Variants in ABCA12 observed in about 807,000 individuals in gnomAD.
The protein encoded by ABCA12 is glucosylceramide transporter ABCA12.
ABCA12 carries 156 observed loss-of-function variants against 293.5 expected under a neutral mutation model. The observed-to-expected ratio is 0.53, with a 90% confidence interval of 0.47 to 0.61. The LOEUF (loss-of-function observed/expected upper bound fraction) is 0.61. Among genes scored for constraint, ABCA12 ranks in the 20% least tolerant of loss-of-function variants. The pLI, the probability that ABCA12 is intolerant of heterozygous loss-of-function variation, is 0.00. For synonymous variants in ABCA12, 1,063 were observed against 1,108.0 expected (o/e 0.96, Z 0.81); for missense variants, 2,797 against 3,090.2 (o/e 0.91, Z 2.25).
At position 215,004,803 on chromosome 2, in the gene ABCA12, G is replaced by A. The variant is rs570406772; in HGVS notation, c.2593-504C>T. ...TTCCAGTCTCAGGTAACCTTTTGGT[G>A]AAGTAGGTAAGAATGCCTCATCACA... is the stretch of plus-strand genomic sequence containing the variant. On this transcript the variant is annotated intron_variant, in intron 19 of 52. Coordinates refer to ENST00000272895, the MANE Select transcript of ABCA12 (RefSeq NM_173076.3). 270 of 160,980 alleles carry A rather than the reference G, an allele frequency of 1.7e-3. 1 individual carries two copies. The highest frequency in any genetic ancestry group is 6.0e-3 in the African/African-American group (249 of 41,642). The allele number at this position is 160,980 out of a possible 1,614,324, so 10.0% of individuals were successfully genotyped here. A position where few individuals can be genotyped will look rare whatever the true frequency, so the allele number is the denominator to read the frequency against.
chr2:215,042,340 G>A (rs148311348), intron 7 of ABCA12: 2,825 of 152,198 alleles, frequency 0.019, 51 homozygotes, highest in Non-Finnish European at 0.028. Flanking sequence ...AAGCTCAAGC[G>A]ATCCTCCCAC....
chr2:214,949,087 T>G lies in ABCA12; in HGVS notation c.6915A>C (p.Gly2305=). ...GKTTIFKMLT[G]DIIPSSGNIL... ...TGTTTCCACTTGAAGGAATGATGTCTCCTGTCAGCATCTTGAATATAGTGG... is the reference window on the plus strand; with the variant it reads ...TGTTTCCACTTGAAGGAATGATGTCGCCTGTCAGCATCTTGAATATAGTGG... The change falls in exon 46 of 53, where the codon GGA becomes GGC. Residue 2305 remains glycine (G), a synonymous_variant. Coordinates refer to ENST00000272895, the MANE Select transcript of ABCA12 (RefSeq NM_173076.3). The G allele has an allele frequency of 6.2e-7, 1 of 1,613,922 alleles. No homozygotes were observed. Among genetic ancestry groups the G allele is most frequent in the Non-Finnish European group, 8.5e-7 (1 of 1,179,912 alleles).
At chr2:215,046,519 GTA>G (rs59157531) in intron 6 of ABCA12, among the ~76,000 whole-genome samples, 5,376 of 146,742 alleles carry the variant, frequency 0.037, 309 homozygotes, top group African/African-American at 0.13. Flanking sequence ...GTGTGTGTGT[GTA>G]TATATATATA....
At chr2:214,938,042 G>C (rs992247622) in intron 50 of ABCA12, among the ~76,000 whole-genome samples, 5 of 152,056 alleles carry the variant, frequency 3.3e-5, no homozygotes, top group Non-Finnish European at 5.9e-5. Context: ...TGCCGTGGTG[G>C]TTTGCTGCAC....
At chr2:215,116,703 A>G (rs958456576) in intron 1 of ABCA12, among the ~76,000 whole-genome samples, 3 of 152,248 alleles carry the variant, frequency 2.0e-5, no homozygotes, top group Admixed American at 6.5e-5. Flanking sequence ...ATATTTCTCT[A>G]TAAAATGGGA....
rs139830416 is a variant in ABCA12, at chr2:215,106,301, AT to A, written c.163+5295del. ...CAACAATTTCAATCCTCCTTCTCAC[AT>A]TTTTTTTTTCCCAGAGCTACTAACA... is the stretch of plus-strand genomic sequence containing the variant. On this transcript the variant is annotated intron_variant, in intron 2 of 52. Coordinates refer to ENST00000272895, the MANE Select transcript of ABCA12 (RefSeq NM_173076.3). Among the ~76,000 whole-genome samples, 372 of 148,766 alleles carry A rather than the reference AT, an allele frequency of 2.5e-3. 1 individual carries two copies. The highest frequency in any genetic ancestry group is 4.1e-3 in the East Asian group (21 of 5,098).
intron 3 of ABCA12, among the ~76,000 whole-genome samples, chr2:215,062,259 CAT>C (rs1200193849): frequency 6.6e-6 from 1 of 152,022 alleles, no homozygotes; most frequent in East Asian, 1.9e-4. Flanking sequence ...TAGTGACAAA[CAT>C]AGAGACCATC....
intron 34 of ABCA12, 128 bp from the exon 35 acceptor site, chr2:214,974,992 T>A (rs1044460103): frequency 2.2e-5 from 18 of 816,426 alleles, no homozygotes; most frequent in Non-Finnish European, 2.8e-5. Context: ...AGACAGAGTC[T>A]TGCCGTGTTG....
At chr2:215,133,928 G>C (rs1342650878) in intron 1 of ABCA12, among the ~76,000 whole-genome samples, 1 of 152,096 alleles carries the variant, frequency 6.6e-6, no homozygotes, top group African/African-American at 2.4e-5. Flanking sequence ...CATGCTTGAA[G>C]AAATCTGACT....
intron 1 of ABCA12, among the ~76,000 whole-genome samples, chr2:215,130,236 AT>A (rs57228653): frequency 0.029 from 4,344 of 147,380 alleles, 165 homozygotes; most frequent in African/African-American, 0.093. Flanking sequence ...AAACTTTAGG[AT>A]TTTTTTTTTT....
rs184052074 is a variant in ABCA12, at chr2:215,010,650, T to C, written c.2333-180A>G. Among the ~76,000 whole-genome samples, 71 of 152,264 alleles carry C rather than the reference T, an allele frequency of 4.7e-4. 1 individual carries two copies. The highest frequency in any genetic ancestry group is 1.9e-4 in the East Asian group (1 of 5,176). On this transcript the variant is annotated intron_variant, in intron 17 of 52. Coordinates refer to ENST00000272895, the MANE Select transcript of ABCA12 (RefSeq NM_173076.3). ...TAAGAAAGCACAGTAACCAATCTTT[T>C]TTAGGTGAGAAAGTTTAACCCAATA... is the stretch of plus-strand genomic sequence containing the variant.
chr2:214,991,070 T>C (rs1407657102), intron 23 of ABCA12, 39 bp from the exon 24 acceptor site: 4 of 1,563,926 alleles, frequency 2.6e-6, no homozygotes, highest in African/African-American at 1.4e-5. Context: ...GTTATGCTGA[T>C]ATTCTTCCAA....
At chr2:214,934,296 C>T (rs1252610835) in intron 51 of ABCA12, 81 bp from the exon 52 acceptor site, 1 of 1,510,302 alleles carries the variant, frequency 6.6e-7, no homozygotes, top group Non-Finnish European at 9.2e-7. Context: ...ACCAAGAGTT[C>T]AGGAAAATAA....
chr2:215,085,294 CAAGATTTGGTGAAA>C (rs1356992416), intron 2 of ABCA12: 5 of 152,038 alleles, frequency 3.3e-5, no homozygotes, highest in Admixed American at 6.5e-5. Flanking sequence ...TGAACTGAAT[CAAGATTTGGTGAAA>C]AAGATTTGGT....
chr2:215,089,549 G>A (rs529394978), intron 2 of ABCA12, among the ~76,000 whole-genome samples: 1 of 152,176 alleles, frequency 6.6e-6, no homozygotes, highest in African/African-American at 2.4e-5. Context: ...TTCAAATGTT[G>A]GTTCTATGAA....
chr2:215,120,693 C>T (rs950309125), intron 1 of ABCA12, among the ~76,000 whole-genome samples: 1 of 152,078 alleles, frequency 6.6e-6, no homozygotes, highest in Non-Finnish European at 1.5e-5. Flanking sequence ...TATGGTTATC[C>T]AACCTCTATT....
intron 49 of ABCA12, 129 bp from the exon 50 acceptor site, chr2:214,943,146 T>C: frequency 1.3e-6 from 1 of 753,064 alleles, no homozygotes; most frequent in Non-Finnish European, 2.2e-6. Context: ...CTTTTCTTTG[T>C]TATTTTTTTG....
rs146093237 is a variant in ABCA12, at chr2:215,105,966, A to G, written c.163+5631T>C. 1.3e-3 allele frequency among the ~76,000 whole-genome samples: 204 copies of G among 152,244 alleles called. 1 individual carries two copies. Among genetic ancestry groups the G allele is most frequent in the African/African-American group, 4.2e-3 (176 of 41,544 alleles). On this transcript the variant is annotated intron_variant, in intron 2 of 52. Transcript: ENST00000272895. ...CTATGTAAATTTTTAGCCAATCAAG[A>G]TAGCAAATGAAATTATTTCCTGTGG...
rs112147786 is a variant in ABCA12, at chr2:214,974,803, T to C, written c.5443A>G (p.Asn1815Asp). 32 of 1,614,082 alleles carry C rather than the reference T, an allele frequency of 2.0e-5. 2 individuals carry two copies. The highest frequency in any genetic ancestry group is 1.9e-4 in the African/African-American group (14 of 75,052). ...AGATCACTGGTGTTCAGACACATGTTGTCAATTCCAGGGAAGTCCCACATT... is the reference window on the plus strand; with the variant it reads ...AGATCACTGGTGTTCAGACACATGTCGTCAATTCCAGGGAAGTCCCACATT... The part of the protein sequence containing the change: ...SAMWDFPGID[N>D]MCLNTSDLQC... Residue 1815 changes from asparagine (N) to aspartate (D), a missense_variant, in exon 35 of 53, where the codon AAC (asparagine) becomes GAC (aspartate). Coordinates refer to ENST00000272895, the MANE Select transcript of ABCA12 (RefSeq NM_173076.3).
Sources: gnomAD v4.1 joint callset for allele counts (sites outside exome capture counted in the v4.1 genomes callset) on GRCh38, gnomAD v4.1.1 for gene constraint, MANE v1.5 for transcripts, NCBI Gene and HGNC (gene_info 2026-07-23, HGNC 2026-07-21) for gene names.